Variants in NTHL1 observed in about 807,000 individuals in gnomAD.
NTHL1 encodes the protein endonuclease III-like protein 1.
A neutral mutation model predicts 32.3 loss-of-function variants in NTHL1; 32 were observed. The ratio of observed to expected loss-of-function variants is 0.99; its 90% confidence interval spans 0.75 to 1.33. The LOEUF (loss-of-function observed/expected upper bound fraction) is 1.33. Among genes scored for constraint, NTHL1 ranks in the 40% most tolerant of loss-of-function variants. The pLI, the probability that NTHL1 is intolerant of heterozygous loss-of-function variation, is 0.00. For synonymous variants in NTHL1, 188 were observed against 176.9 expected, an observed-to-expected ratio of 1.06 and a Z score of -0.50; for missense variants, 501 against 414.1, an observed-to-expected ratio of 1.21 and a Z score of -1.82.
At position 2,044,777 on chromosome 16, in the gene NTHL1, C is replaced by A; in HGVS notation, c.378G>T (p.Leu126=). 1.2e-6 allele frequency: 2 copies of A among 1,610,270 alleles called. No individual in the cohort carries two copies. The highest frequency in any genetic ancestry group is 1.7e-6 in the Non-Finnish European group (2 of 1,178,452). The change falls in exon 3 of 6, where the codon CTG becomes CTT. Residue 126 remains leucine (L), a synonymous_variant. Coordinates refer to ENST00000651570, the MANE Select transcript of NTHL1 (RefSeq NM_002528.7). The surrounding 1 kb of genome is among the most constrained non-coding windows in gnomAD (Gnocchi z 5.0). ...PPKVRRYQVL[L]SLMLSSQTKD... is the part of the protein sequence containing the mutation. ...TGGTTTGGCTGGAGAGCATCAGTGA[C>A]AGCAGCACCTGGTACCTGCGTACCT... is the stretch of plus-strand genomic sequence containing the variant.
chr16:2,041,699 C>T (rs536475763), intron 4 of NTHL1, among the ~76,000 whole-genome samples: 1 of 151,710 alleles, frequency 6.6e-6, no homozygotes, highest in East Asian at 1.9e-4. Flanking sequence ...GCCCCACCTC[C>T]CAGGTTCACA....
chr16:2,044,720 T>C lies in NTHL1; in HGVS notation c.435A>G (p.Arg145=), dbSNP rs2150942359. Residue 145 remains arginine, a synonymous_variant, in exon 3 of 6, where the codon CGA becomes CGG. Transcript: ENST00000651570. This position sits in a 1 kb window ranked among gnomAD's most constrained non-coding sequence, Gnocchi z 5.0. ...CCACCGTCAGGCCCCGCGCCCGCAG[T>C]CGCTGCATGGCGCCCGCCGTCACCT... The part of the protein sequence containing the change: ...KDQVTAGAMQ[R]LRARGLTVDS... The C allele has an allele frequency of 6.2e-7, 1 of 1,612,284 alleles. No individual in the cohort carries two copies. The highest frequency in any genetic ancestry group is 8.5e-7 in the Non-Finnish European group (1 of 1,179,792).
chr16:2,042,980 TCC>T (rs2150940666), intron 4 of NTHL1, among the ~76,000 whole-genome samples: 1 of 67,800 alleles, frequency 1.5e-5, no homozygotes, highest in South Asian at 7.7e-4. Context: ...CCCCAGCACC[TCC>T]CTCCCCACCC....
chr16:2,044,592 A>G lies in NTHL1; in HGVS notation c.525+38T>C, dbSNP rs377505085. 8 of 1,597,550 alleles carry G rather than the reference A, an allele frequency of 5.0e-6. No individual in the cohort carries two copies. Among genetic ancestry groups the G allele is most frequent in the Non-Finnish European group, 5.9e-6 (7 of 1,179,610 alleles). On this transcript the variant is annotated intron_variant, in intron 3 of 5. Transcript: ENST00000651570. This position sits in a 1 kb window ranked among gnomAD's most constrained non-coding sequence, Gnocchi z 5.0. ...AGCCTTCTGAGGTCTCTCTCAGGCCACTGCCACCCGGCCCCCGTTGCCACA... is the reference window on the plus strand; with the variant it reads ...AGCCTTCTGAGGTCTCTCTCAGGCCGCTGCCACCCGGCCCCCGTTGCCACA...
In NTHL1 at chr16:2,042,606, C is replaced by T. The variant is rs547625877; in HGVS notation, c.685+961G>A. Among the ~76,000 whole-genome samples the T allele has an allele frequency of 1.4e-4, 21 of 152,178 alleles. No individual in the cohort carries two copies. In the South Asian group the frequency reaches 4.1e-3, roughly 30 times the overall value. On this transcript the variant is annotated intron_variant, in intron 4 of 5. Coordinates refer to ENST00000651570, the MANE Select transcript of NTHL1 (RefSeq NM_002528.7). ...CCCTGGTTTCTGGACTGGCTGGGCC[C>T]GGCTGCGTGTGGCCTTAGGAGCCCC... is the stretch of plus-strand genomic sequence containing the variant.
At chr16:2,040,288 C>A (rs769253031) in intron 4 of NTHL1, 50 bp from the exon 5 acceptor site, 14 of 1,552,260 alleles carry the variant, frequency 9.0e-6, no homozygotes, top group Non-Finnish European at 1.2e-5. Context: ...ACCAGCCTAG[C>A]CCGTGCCCCT....
chr16:2,042,670 C>T (rs1264140162), intron 4 of NTHL1, among the ~76,000 whole-genome samples: 1 of 152,128 alleles, frequency 6.6e-6, no homozygotes, highest in Non-Finnish European at 1.5e-5. Context: ...GCAGCCCCAC[C>T]CCAAACCCAG....
rs953483709 is a variant in NTHL1 at position 2,043,562 on chromosome 16, C to G, written c.685+5G>C. 6.2e-7 allele frequency: 1 copy of G among 1,605,946 alleles called. No individual in the cohort carries two copies. The highest frequency in any genetic ancestry group is 8.5e-7 in the Non-Finnish European group (1 of 1,179,890). Reference sequence around the variant, plus strand: ...CTGGAGCCAGCCCCGCCCTCCTCTACTCACCAATGCCTGACACAGTGCCCC... The same window carrying G: ...CTGGAGCCAGCCCCGCCCTCCTCTAGTCACCAATGCCTGACACAGTGCCCC... On this transcript the variant is annotated splice_donor_5th_base_variant and intron_variant, in intron 4 of 5. Coordinates refer to ENST00000651570, the MANE Select transcript of NTHL1 (RefSeq NM_002528.7). This position sits in a 1 kb window ranked among gnomAD's most constrained non-coding sequence, Gnocchi z 4.4.
intron 2 of NTHL1, among the ~76,000 whole-genome samples, chr16:2,045,876 C>T (rs1036300320): frequency 6.6e-6 from 1 of 152,194 alleles, no homozygotes. Context: ...AGGAACTCTT[C>T]CTTCCTGATA....
intron 1 of NTHL1, among the ~76,000 whole-genome samples, chr16:2,046,658 G>A (rs955685921): frequency 2.0e-5 from 3 of 152,136 alleles, no homozygotes; most frequent in African/African-American, 4.8e-5. Flanking sequence ...CCCACATCAG[G>A]TTGTGTCACT....
chr16:2,041,817 C>T (rs1197931754), intron 4 of NTHL1, among the ~76,000 whole-genome samples: 3 of 152,098 alleles, frequency 2.0e-5, no homozygotes, highest in African/African-American at 7.2e-5. Flanking sequence ...ACCATCTTAG[C>T]CTGGATGGTC....
chr16:2,042,717 T>C (rs2084284894), intron 4 of NTHL1, among the ~76,000 whole-genome samples: 1 of 151,914 alleles, frequency 6.6e-6, no homozygotes, highest in South Asian at 2.1e-4. Context: ...AAGCCTCCGG[T>C]GCTAGGAAGA....
chr16:2,041,317 A>G (rs530337542), intron 4 of NTHL1, among the ~76,000 whole-genome samples: 3 of 152,332 alleles, frequency 2.0e-5, no homozygotes, highest in African/African-American at 2.4e-5. Context: ...CCACCTGGAC[A>G]GTGAATGACG....
chr16:2,040,903 T>A (rs2084260236), intron 4 of NTHL1, among the ~76,000 whole-genome samples: 1 of 152,118 alleles, frequency 6.6e-6, no homozygotes, highest in African/African-American at 2.4e-5. Flanking sequence ...CGGCATGAGG[T>A]CACTGCCTGC....
Position 2,040,004 on chromosome 16 carries a change from G to A in NTHL1, c.835C>T (p.Gln279Ter), listed in dbSNP as rs146347092. Residue 279 changes from glutamine to a stop codon, truncating the protein, a stop_gained, in exon 6 of 6, where the codon CAG becomes TAG. Transcript: ENST00000651570. LOFTEE classifies it high-confidence loss of function. The stretch of plus-strand genomic sequence containing the variant: ...GGGTGCACAGGCAGACAGGTCTGCT[G>A]GCCGAAGCCCACCAAGAGTCCATTG... ...EINGLLVGFG[Q>*]QTCLPVHPRC... 413 of 1,611,446 alleles carry A rather than the reference G, an allele frequency of 2.6e-4. No homozygotes were observed. The highest frequency in any genetic ancestry group is 4.8e-4 in the African/African-American group (36 of 75,048).
In NTHL1 at chr16:2,041,651, A is replaced by T. The variant is rs183152510; in HGVS notation, c.686-1413T>A. ...GAGACGGAGTCACGCTTTGTCGCCC[A>T]GGCTGGAGTACACTGGCGCGATCTC... is the stretch of plus-strand genomic sequence containing the variant. On this transcript the variant is annotated intron_variant, in intron 4 of 5. Coordinates refer to ENST00000651570, the MANE Select transcript of NTHL1 (RefSeq NM_002528.7). Among the ~76,000 whole-genome samples, 3 of 147,040 alleles carry T rather than the reference A, an allele frequency of 2.0e-5. No individual in the cohort carries two copies. The East Asian group carries it at 6.1e-4, about 30-fold the overall frequency.
Position 2,040,032 on chromosome 16 carries a change from C to A in NTHL1, c.807G>T (p.Glu269Asp), listed in dbSNP as rs1426153929. Residue 269 changes from glutamate to aspartate, a missense_variant, in exon 6 of 6, where the codon GAG becomes GAT. Physicochemically the swap from Glu to Asp is conservative, Grantham distance 45. Transcript: ENST00000651570. The stretch of plus-strand genomic sequence containing the variant: ...CGAAGCCCACCAAGAGTCCATTGAT[C>A]TCGTGCCACAGCTCCCTGTGGGGGT... ...EEWLPRELWH[E>D]INGLLVGFGQ... 2 of 1,612,210 alleles carry A rather than the reference C, an allele frequency of 1.2e-6. No individual in the cohort carries two copies. The highest frequency in any genetic ancestry group is 2.7e-5 in the African/African-American group (2 of 74,916).
rs3211979 is a variant in NTHL1, at chr16:2,043,349, A to G, written c.685+218T>C. 446 of 612,830 alleles carry G rather than the reference A, an allele frequency of 7.3e-4. 1 individual carries two copies. In the African/African-American group the frequency reaches 7.5e-3, roughly 10 times the overall value. The allele number at this position is 612,830 out of a possible 1,614,324, so 38.0% of individuals were successfully genotyped here. A position where few individuals can be genotyped will look rare whatever the true frequency, so the allele number is the denominator to read the frequency against. ...GGAGTCCAGCTCCGGGGCCTCTCTC[A>G]GAGCCCTGCACGGAGCAGGTGCTCA... On this transcript the variant is annotated intron_variant, in intron 4 of 5. Coordinates refer to ENST00000651570, the MANE Select transcript of NTHL1 (RefSeq NM_002528.7). This position sits in a 1 kb window ranked among gnomAD's most constrained non-coding sequence, Gnocchi z 4.4.
In NTHL1 at chr16:2,047,657, C is replaced by T. The variant is rs543707104; in HGVS notation, c.115+52G>A. The stretch of plus-strand genomic sequence containing the variant: ...GCAGGAGGCGGCCCGGGACTCCAGC[C>T]TGCAGCCCCTATCCCGCCTCCTCCC... On this transcript the variant is annotated intron_variant, in intron 1 of 5. Transcript: ENST00000651570. 9.1e-6 allele frequency: 14 copies of T among 1,534,908 alleles called. No individual in the cohort carries two copies. The South Asian group carries it at 1.3e-4, about 14-fold the overall frequency.
Sources: allele counts gnomAD v4.1 joint callset (sites outside exome capture counted in the v4.1 genomes callset), GRCh38; gene constraint gnomAD v4.1.1; non-coding constraint Gnocchi (gnomAD v3.1); transcripts MANE v1.5; gene names NCBI Gene and HGNC (gene_info 2026-07-23, HGNC 2026-07-21).